MAGI2: variants seen among roughly 807,000 people sequenced by gnomAD.
MAGI2 encodes the protein membrane-associated guanylate kinase, WW and PDZ domain-containing protein 2.
A neutral mutation model predicts 133.3 loss-of-function variants in MAGI2; 35 were observed. The ratio of observed to expected loss-of-function variants is 0.26; its 90% confidence interval spans 0.20 to 0.35. MAGI2 has a LOEUF of 0.35. Among genes scored for constraint, MAGI2 ranks in the 10% least tolerant of loss-of-function variants. The pLI, the probability that MAGI2 is intolerant of heterozygous loss-of-function variation, is 1.00. For synonymous variants in MAGI2, 729 were observed against 710.6 expected, an observed-to-expected ratio of 1.03 and a Z score of -0.41; for missense variants, 1,636 against 1,863.4, an observed-to-expected ratio of 0.88 and a Z score of 2.25.
chr7:78,127,799 A>C (rs1821146234), intron 18 of MAGI2, among the ~76,000 whole-genome samples: 1 of 152,124 alleles, frequency 6.6e-6, no homozygotes, highest in Admixed American at 6.5e-5. Context: ...CTGGTAAACC[A>C]ACCTTCCTCT....
intron 3 of MAGI2, among the ~76,000 whole-genome samples, chr7:78,540,743 C>A (rs990517543): frequency 6.6e-6 from 1 of 152,146 alleles, no homozygotes; most frequent in East Asian, 1.9e-4. Context: ...AGTGGCTTCC[C>A]TGGGCTTCTT....
At chr7:78,547,895 T>C (rs1479554597) in intron 3 of MAGI2, among the ~76,000 whole-genome samples, 4 of 152,216 alleles carry the variant, frequency 2.6e-5, no homozygotes, top group South Asian at 4.1e-4. Flanking sequence ...ATATTCCCAA[T>C]AGAGGGCACA....
chr7:78,785,216 G>A lies in MAGI2; in HGVS notation c.419-157977C>T, dbSNP rs2151352648. Among the ~76,000 whole-genome samples, 3 of 152,160 alleles carry A rather than the reference G, an allele frequency of 2.0e-5. No homozygotes were observed. The South Asian group carries it at 6.2e-4, about 32-fold the overall frequency. On this transcript the variant is annotated intron_variant, in intron 2 of 21. Transcript: ENST00000354212. The stretch of plus-strand genomic sequence containing the variant: ...AAACTAATTAAATATTTTAAAATGG[G>A]AGAAAAATCTACATCCAAGGAATGC...
chr7:78,440,154 A>G (rs1419696949), intron 6 of MAGI2, among the ~76,000 whole-genome samples: 2 of 152,068 alleles, frequency 1.3e-5, no homozygotes, highest in African/African-American at 4.8e-5. Flanking sequence ...CAGCCCTGCC[A>G]TAGATTCTGA....
chr7:78,989,915 T>C (rs1805602226), intron 2 of MAGI2, among the ~76,000 whole-genome samples: 2 of 152,144 alleles, frequency 1.3e-5, no homozygotes, highest in South Asian at 4.1e-4. Flanking sequence ...ATTCCATCCA[T>C]CTACTGAAAA....
chr7:78,212,513 G>A (rs1388815916), intron 10 of MAGI2, among the ~76,000 whole-genome samples: 1 of 152,152 alleles, frequency 6.6e-6, no homozygotes, highest in South Asian at 2.1e-4. Context: ...TCTGGAAGTG[G>A]ATTCTCTTCT....
intron 16 of MAGI2, among the ~76,000 whole-genome samples, chr7:78,149,815 C>G (rs1823695843): frequency 6.6e-6 from 1 of 152,328 alleles, no homozygotes; most frequent in South Asian, 2.1e-4. Flanking sequence ...GATGGTTCAT[C>G]AGGTACCCAA....
intron 2 of MAGI2, among the ~76,000 whole-genome samples, chr7:78,669,757 G>C (rs539563902): frequency 6.6e-6 from 1 of 152,168 alleles, no homozygotes; most frequent in African/African-American, 2.4e-5. Flanking sequence ...GGGATGCAAG[G>C]CTGGTTCAAT....
intron 6 of MAGI2, among the ~76,000 whole-genome samples, chr7:78,379,043 T>C (rs1422888010): frequency 6.6e-6 from 1 of 151,722 alleles, no homozygotes; most frequent in Non-Finnish European, 1.5e-5. Flanking sequence ...TAGAACACAA[T>C]TAAAAGCCAT....
chr7:78,240,714 T>C (rs1178334201), intron 10 of MAGI2, among the ~76,000 whole-genome samples: 1 of 152,172 alleles, frequency 6.6e-6, no homozygotes, highest in Non-Finnish European at 1.5e-5. Context: ...TCAAGAGATC[T>C]ATTGTGCAGC....
rs188293910 is a variant in MAGI2 at position 78,078,942 on chromosome 7, C to G, written c.3706+5G>C. The G allele has an allele frequency of 1.7e-5, 28 of 1,612,442 alleles. No individual in the cohort carries two copies. Among genetic ancestry groups the G allele is most frequent in the African/African-American group, 2.7e-5 (2 of 74,902 alleles). On this transcript the variant is annotated splice_donor_5th_base_variant and intron_variant, in intron 21 of 21. Coordinates refer to ENST00000354212, the MANE Select transcript of MAGI2 (RefSeq NM_012301.4). ...CAAAAGGGTGAATTAAAACGTGAAACGTACCATATTCTGGGACCTGTCCCG... is the reference window on the plus strand; with the variant it reads ...CAAAAGGGTGAATTAAAACGTGAAAGGTACCATATTCTGGGACCTGTCCCG...
intron 9 of MAGI2, among the ~76,000 whole-genome samples, chr7:78,265,079 T>C (rs754249603): frequency 1.1e-4 from 17 of 148,542 alleles, no homozygotes; most frequent in Non-Finnish European, 2.1e-4. Flanking sequence ...ATTAAAAGCT[T>C]GTTTTTTTTT....
rs202122901 is a variant in MAGI2, at chr7:78,868,762, CTTTT to C, written c.418+138324_418+138327del. Among the ~76,000 whole-genome samples the C allele has an allele frequency of 2.7e-5, 4 of 150,714 alleles. No individual in the cohort carries two copies. In the South Asian group the frequency reaches 8.4e-4, roughly 31 times the overall value. On this transcript the variant is annotated intron_variant, in intron 2 of 21. Transcript: ENST00000354212. ...GTAGAAAAAAAGGAAGTAATACATA[CTTTT>C]TTTTTGAGACAGAGTCTTCCTCTGT...
chr7:78,473,211 C>G (rs1049074782), intron 6 of MAGI2, among the ~76,000 whole-genome samples: 2 of 152,198 alleles, frequency 1.3e-5, no homozygotes, highest in Admixed American at 6.6e-5. Context: ...TGGATTGCTA[C>G]CATCTGATCC....
intron 1 of MAGI2, among the ~76,000 whole-genome samples, chr7:79,186,776 T>TATAC (rs1554399274): frequency 0.026 from 2,559 of 96,970 alleles, 21 homozygotes; most frequent in East Asian, 0.036. Context: ...TATATATATA[T>TATAC]ACACACACAC....
At chr7:79,282,557 C>T (rs1239459877) in intron 1 of MAGI2, among the ~76,000 whole-genome samples, 1 of 152,020 alleles carries the variant, frequency 6.6e-6, no homozygotes, top group East Asian at 1.9e-4. Context: ...GTATCTACTA[C>T]ATCTTTTAAG....
At chr7:78,594,769 T>C (rs1037830720) in intron 3 of MAGI2, among the ~76,000 whole-genome samples, 1 of 152,158 alleles carries the variant, frequency 6.6e-6, no homozygotes, top group Admixed American at 6.5e-5. Flanking sequence ...AAAGGAATTC[T>C]TAAAAGGACC....
chr7:78,597,824 C>T (rs375995449), intron 3 of MAGI2, among the ~76,000 whole-genome samples: 225 of 150,852 alleles, frequency 1.5e-3, no homozygotes, highest in Non-Finnish European at 3.0e-3. Context: ...ATCTTCAATC[C>T]GATATTTCCA....
At chr7:78,420,537 A>G (rs893011003) in intron 6 of MAGI2, among the ~76,000 whole-genome samples, 1 of 137,040 alleles carries the variant, frequency 7.3e-6, no homozygotes, top group Non-Finnish European at 1.6e-5. Flanking sequence ...TCAACCTACA[A>G]TGGTTGAAAT....
Sources: gnomAD v4.1 joint callset for allele counts (sites outside exome capture counted in the v4.1 genomes callset) on GRCh38, gnomAD v4.1.1 for gene constraint, MANE v1.5 for transcripts, NCBI Gene and HGNC (gene_info 2026-07-23, HGNC 2026-07-21) for gene names.